The following CCDC167 variants were observed in gnomAD, a reference collection of about 807,000 sequenced individuals.
The protein encoded by CCDC167 is coiled-coil domain-containing protein 167.
Under a neutral mutation model 12.7 loss-of-function variants are expected in CCDC167, and 15 were observed. That is an observed-to-expected ratio of 1.18 (90% confidence interval 0.79 to 1.81). CCDC167 has a LOEUF of 1.81. Ranked by LOEUF, CCDC167 falls within the 40% of genes most tolerant of loss-of-function variation. The probability of loss-of-function intolerance (pLI) is 0.00; values close to 1 mark genes in which losing one functional copy is unlikely to be tolerated. For synonymous variants in CCDC167, 52 were observed against 49.0 expected (o/e 1.06, Z -0.26); for missense variants, 121 against 120.1 (o/e 1.01, Z -0.03).
rs1561797282 is a variant in CCDC167 at position 37,484,875 on chromosome 6, A to T, written c.138-13T>A. 6.2e-7 allele frequency: 1 copy of T among 1,614,086 alleles called. No individual in the cohort carries two copies. The highest frequency in any genetic ancestry group is 1.1e-5 in the South Asian group (1 of 91,092). Reference sequence around the variant, plus strand: ...CTCCAGGGACCTCCTGTGAGGGGAAAGGAGCTTCATGGACCAAACCCTTTT... The same window carrying T: ...CTCCAGGGACCTCCTGTGAGGGGAATGGAGCTTCATGGACCAAACCCTTTT... On this transcript the variant is annotated splice_polypyrimidine_tract_variant and intron_variant, in intron 2 of 3. Coordinates refer to ENST00000373408, the MANE Select transcript of CCDC167 (RefSeq NM_138493.3).
At chr6:37,499,383 A>C (rs942978783) in intron 1 of CCDC167, among the ~76,000 whole-genome samples, 3 of 152,188 alleles carry the variant, frequency 2.0e-5, no homozygotes, top group African/African-American at 4.8e-5. Flanking sequence ...TATTTAAACC[A>C]TTAATAATAT....
chr6:37,484,927 G>C (rs1364701751), intron 2 of CCDC167, 65 bp from the exon 3 acceptor site: 32 of 1,597,334 alleles, frequency 2.0e-5, no homozygotes, highest in Non-Finnish European at 2.4e-5. Flanking sequence ...GGGGCAGCTG[G>C]CATGCCAGTT....
intron 3 of CCDC167, among the ~76,000 whole-genome samples, chr6:37,484,362 C>T (rs1278141856): frequency 1.3e-5 from 2 of 152,234 alleles, no homozygotes; most frequent in African/African-American, 4.8e-5. Context: ...CTGCCCCCAG[C>T]GCCCAGAAGG....
chr6:37,499,629 G>A (rs1236787011), intron 1 of CCDC167, among the ~76,000 whole-genome samples, 193 bp downstream of exon 1: 3 of 152,006 alleles, frequency 2.0e-5, no homozygotes, highest in African/African-American at 4.8e-5. Context: ...TCGCCCATCC[G>A]GCACCTCCTC....
chr6:37,486,927 C>A (rs1259950564), intron 1 of CCDC167, among the ~76,000 whole-genome samples: 1 of 151,042 alleles, frequency 6.6e-6, no homozygotes, highest in Non-Finnish European at 1.5e-5. Flanking sequence ...AGATTCCACT[C>A]AAGAGCACAA....
chr6:37,489,380 G>T (rs1437558156), intron 1 of CCDC167, among the ~76,000 whole-genome samples: 1 of 152,178 alleles, frequency 6.6e-6, no homozygotes, highest in Non-Finnish European at 1.5e-5. Flanking sequence ...TCAGCAGGGA[G>T]GGCCCCCAGG....
At chr6:37,490,811 C>T (rs971720348) in intron 1 of CCDC167, among the ~76,000 whole-genome samples, 3 of 152,002 alleles carry the variant, frequency 2.0e-5, no homozygotes, top group Non-Finnish European at 2.9e-5. Flanking sequence ...TCATGCCCAG[C>T]GGCAGGGGCA....
chr6:37,497,372 GATTC>G (rs1762110221), intron 1 of CCDC167, among the ~76,000 whole-genome samples: 1 of 152,120 alleles, frequency 6.6e-6, no homozygotes, highest in South Asian at 2.1e-4. Context: ...ATATATTGTT[GATTC>G]ATTAACACTG....
chr6:37,496,917 G>A (rs1762104209), intron 1 of CCDC167, among the ~76,000 whole-genome samples: 1 of 152,236 alleles, frequency 6.6e-6, no homozygotes, highest in East Asian at 1.9e-4. Context: ...AGGACAGTGG[G>A]TGTGCTTCCT....
At chr6:37,499,102 C>T (rs1762133744) in intron 1 of CCDC167, among the ~76,000 whole-genome samples, 1 of 152,340 alleles carries the variant, frequency 6.6e-6, no homozygotes, top group Non-Finnish European at 1.5e-5. Flanking sequence ...GGCTCCACCA[C>T]TTCCACCATC....
chr6:37,484,695 C>T, intron 3 of CCDC167, 115 bp downstream of exon 3: 2 of 1,194,150 alleles, frequency 1.7e-6, no homozygotes, highest in Non-Finnish European at 2.5e-6. Flanking sequence ...GGGGCTGGTT[C>T]CCTCCCAAAG....
At chr6:37,498,655 G>A (rs755419319) in intron 1 of CCDC167, among the ~76,000 whole-genome samples, 27 of 152,022 alleles carry the variant, frequency 1.8e-4, no homozygotes, top group African/African-American at 4.8e-4. Context: ...GTGAAACCCC[G>A]TCTCTACAAA....
intron 1 of CCDC167, among the ~76,000 whole-genome samples, chr6:37,493,601 C>T (rs939066302): frequency 6.6e-6 from 1 of 152,254 alleles, no homozygotes; most frequent in African/African-American, 2.4e-5. Context: ...AGGTGAGGCT[C>T]ATTTAATGGT....
intron 1 of CCDC167, 53 bp downstream of exon 1, chr6:37,499,769 C>T: frequency 6.3e-7 from 1 of 1,576,934 alleles, no homozygotes; most frequent in South Asian, 1.1e-5. Flanking sequence ...CCTTATCCCG[C>T]GGCCAGGAGA....
intron 1 of CCDC167, among the ~76,000 whole-genome samples, chr6:37,491,245 C>T (rs546062228): frequency 6.6e-6 from 1 of 152,208 alleles, no homozygotes; most frequent in Non-Finnish European, 1.5e-5. Flanking sequence ...AAGCACGAGA[C>T]AGTTCGAGCC....
At chr6:37,499,672 T>C in intron 1 of CCDC167, 150 bp downstream of exon 1, 2 of 909,666 alleles carry the variant, frequency 2.2e-6, no homozygotes, top group South Asian at 2.8e-5. Context: ...CCCGTGGGCC[T>C]TCTCACCCCT....
intron 1 of CCDC167, among the ~76,000 whole-genome samples, chr6:37,488,506 A>T (rs933421965): frequency 1.3e-5 from 2 of 152,218 alleles, no homozygotes; most frequent in Non-Finnish European, 2.9e-5. Flanking sequence ...CCAGGAGAGA[A>T]GATGTGGGGA....
chr6:37,494,056 C>CT (rs70977666), intron 1 of CCDC167, among the ~76,000 whole-genome samples: 4,647 of 91,308 alleles, frequency 0.051, 738 homozygotes, highest in Non-Finnish European at 0.061. Flanking sequence ...GTGATCCTGC[C>CT]TTTTTTTTTT....
chr6:37,491,893 C>T (rs1281769333), intron 1 of CCDC167, among the ~76,000 whole-genome samples: 1 of 152,222 alleles, frequency 6.6e-6, no homozygotes, highest in Admixed American at 6.5e-5. Context: ...GTCACACAGG[C>T]ATTAAGTCCG....
Sources: gnomAD v4.1 joint callset for allele counts (sites outside exome capture counted in the v4.1 genomes callset) on GRCh38, gnomAD v4.1.1 for gene constraint, MANE v1.5 for transcripts, NCBI Gene and HGNC (gene_info 2026-07-23, HGNC 2026-07-21) for gene names.